The following SKAP1 variants were observed in gnomAD, a reference collection of about 807,000 sequenced individuals.
SKAP1 encodes the protein src kinase-associated phosphoprotein 1.
In SKAP1, 44 loss-of-function variants were observed where a neutral mutation model predicts 58.5. The ratio of observed to expected loss-of-function variants is 0.75; its 90% CI spans 0.59 to 0.97. The LOEUF (loss-of-function observed/expected upper bound fraction) is 0.97. Among genes scored for constraint, SKAP1 ranks in the 50% least tolerant of loss-of-function variants. The probability of loss-of-function intolerance (pLI) is 0.00; values close to 1 mark genes in which losing one functional copy is unlikely to be tolerated. For missense variants in SKAP1, 390 were observed against 435.2 expected (o/e 0.90, Z 0.92); for synonymous variants, 127 against 149.7 (o/e 0.85, Z 1.11).
chr17:48,199,850 T>C (rs768194941), intron 4 of SKAP1, among the ~76,000 whole-genome samples: 28 of 152,100 alleles, frequency 1.8e-4, no homozygotes, highest in Non-Finnish European at 4.4e-5. Flanking sequence ...TGGAAGAAAT[T>C]AAGTGAACAG....
intron 4 of SKAP1, among the ~76,000 whole-genome samples, chr17:48,286,169 T>C (rs965778905): frequency 2.0e-5 from 3 of 152,236 alleles, no homozygotes; most frequent in South Asian, 2.1e-4. Flanking sequence ...AAATGAGGTG[T>C]CATTCATTTT....
intron 4 of SKAP1, among the ~76,000 whole-genome samples, chr17:48,299,213 G>C (rs1598532233): frequency 1.3e-5 from 2 of 152,290 alleles, no homozygotes; most frequent in African/African-American, 2.4e-5. Context: ...TCTCTTCCCT[G>C]AGTTGTAACA....
At chr17:48,153,434 C>T (rs2063928507) in intron 11 of SKAP1, among the ~76,000 whole-genome samples, 1 of 152,138 alleles carries the variant, frequency 6.6e-6, no homozygotes, top group Non-Finnish European at 1.5e-5. Flanking sequence ...ATGACCGTTG[C>T]CTTCCAGCTG....
chr17:48,192,165 C>T (rs1174852397), intron 4 of SKAP1, among the ~76,000 whole-genome samples: 2 of 142,178 alleles, frequency 1.4e-5, no homozygotes. Context: ...GGGGACAGAG[C>T]GAGACTCTGC....
chr17:48,271,453 G>A (rs1323767975), intron 4 of SKAP1, among the ~76,000 whole-genome samples: 2 of 149,036 alleles, frequency 1.3e-5, no homozygotes, highest in Non-Finnish European at 3.0e-5. Flanking sequence ...TGCAGCCTTG[G>A]CCTCCTGGGT....
At chr17:48,434,129 A>T (rs1320635049), upstream of SKAP1, among the ~76,000 whole-genome samples, 1 of 152,218 alleles carries the variant, frequency 6.6e-6, no homozygotes, top group African/African-American at 2.4e-5. Flanking sequence ...ATGGATGTGC[A>T]GCCACTGCCT....
intron 4 of SKAP1, among the ~76,000 whole-genome samples, chr17:48,239,836 G>C (rs2065225007): frequency 1.1e-5 from 1 of 92,874 alleles, no homozygotes; most frequent in African/African-American, 3.0e-5. Context: ...GAATGAGAGA[G>C]AGAGAGAGAG....
At chr17:48,365,896 G>A (rs12150117) in intron 2 of SKAP1, among the ~76,000 whole-genome samples, 32,089 of 151,504 alleles carry the variant, frequency 0.21, 3,417 homozygotes, top group Admixed American at 0.22. Context: ...TTTCTGGTGG[G>A]CCACTAAAGC....
chr17:48,381,493 T>C (rs974767676), intron 2 of SKAP1, among the ~76,000 whole-genome samples: 5 of 152,204 alleles, frequency 3.3e-5, no homozygotes, highest in Non-Finnish European at 5.9e-5. Flanking sequence ...CCATGAAGGC[T>C]TCTCAAGCCC....
intron 4 of SKAP1, among the ~76,000 whole-genome samples, chr17:48,228,206 A>C (rs1254201447): frequency 6.6e-6 from 1 of 151,544 alleles, no homozygotes; most frequent in Non-Finnish European, 1.5e-5. Context: ...AGAGAGATAG[A>C]GAGATAGAGA....
At chr17:48,255,886 G>A (rs1472127443) in intron 4 of SKAP1, among the ~76,000 whole-genome samples, 1 of 152,032 alleles carries the variant, frequency 6.6e-6, no homozygotes, top group African/African-American at 2.4e-5. Context: ...ATTTCTCAAT[G>A]AAATAAATTG....
chr17:48,243,538 G>A (rs2065263640), intron 4 of SKAP1, among the ~76,000 whole-genome samples: 1 of 152,126 alleles, frequency 6.6e-6, no homozygotes, highest in African/African-American at 2.4e-5. Context: ...GTTGAACATG[G>A]TAACATATAT....
At chr17:48,410,337 A>C (rs1234326604) in intron 1 of SKAP1, among the ~76,000 whole-genome samples, 5 of 152,170 alleles carry the variant, frequency 3.3e-5, no homozygotes, top group East Asian at 1.9e-4. Context: ...TATATATAGA[A>C]ACATATAAAT....
intron 4 of SKAP1, among the ~76,000 whole-genome samples, chr17:48,234,903 CTTGCCATAAAGCTTT>C (rs1341996500): frequency 6.6e-6 from 1 of 152,168 alleles, no homozygotes; most frequent in Non-Finnish European, 1.5e-5. Flanking sequence ...ATTTCAATTG[CTTGCCATAAAGCTTT>C]TAGCCTTGGT....
intron 12 of SKAP1, among the ~76,000 whole-genome samples, chr17:48,135,536 G>A (rs1338242513): frequency 6.6e-6 from 1 of 152,082 alleles, no homozygotes; most frequent in Non-Finnish European, 1.5e-5. Context: ...GGCGTGCAGT[G>A]GTGCAGTCAT....
chr17:48,137,044 C>T (rs995417126), intron 12 of SKAP1, 185 bp downstream of exon 12: 1 of 515,084 alleles, frequency 1.9e-6, no homozygotes. Context: ...GTGACACTGT[C>T]CCCAAATTTA....
At chr17:48,366,547 G>A (rs976202720) in intron 2 of SKAP1, among the ~76,000 whole-genome samples, 21 of 152,112 alleles carry the variant, frequency 1.4e-4, no homozygotes, top group African/African-American at 5.1e-4. Context: ...CAATGCAGGG[G>A]CATATGTAAG....
chr17:48,342,289 A>G (rs1036818816), intron 4 of SKAP1, among the ~76,000 whole-genome samples: 2 of 152,156 alleles, frequency 1.3e-5, no homozygotes, highest in African/African-American at 2.4e-5. Flanking sequence ...TCTGCCTTCA[A>G]ATTGTGGGCA....
the SKAP1 span, among the ~76,000 whole-genome samples, chr17:48,441,437 G>C: frequency 6.6e-6 from 1 of 152,152 alleles, no homozygotes; most frequent in Non-Finnish European, 1.5e-5. Flanking sequence ...AACTAAAATA[G>C]AGGGGAAGTG....
Sources: gnomAD v4.1 joint callset for allele counts (sites outside exome capture counted in the v4.1 genomes callset) on GRCh38, gnomAD v4.1.1 for gene constraint, MANE v1.5 for transcripts, NCBI Gene and HGNC (gene_info 2026-07-23, HGNC 2026-07-21) for gene names.